The following ZBTB16 variants were observed in gnomAD, a reference collection of about 807,000 sequenced individuals.
The protein encoded by ZBTB16 is zinc finger and BTB domain containing 16, also known as zinc finger and BTB domain-containing protein 16.
Under a neutral mutation model 56.8 loss-of-function variants are expected in ZBTB16, and 8 were observed. That is an observed-to-expected ratio of 0.14 (90% CI 0.08 to 0.25). The LOEUF is 0.25. Among genes scored for constraint, ZBTB16 ranks in the 10% least tolerant of loss-of-function variants. The probability of loss-of-function intolerance (pLI) is 1.00; values close to 1 mark genes in which losing one functional copy is unlikely to be tolerated. For synonymous variants in ZBTB16, 363 were observed against 368.5 expected (o/e 0.98, Z 0.17); for missense variants, 625 against 903.0 (o/e 0.69, Z 3.95).
chr11:114,094,819 C>T (rs12272834), intron 2 of ZBTB16, among the ~76,000 whole-genome samples: 2,247 of 152,282 alleles, frequency 0.015, 57 homozygotes, highest in African/African-American at 0.048. Context: ...GGTCGTCAGC[C>T]GAAAGCTGTT....
chr11:114,093,873 A>G (rs950723927), intron 2 of ZBTB16, among the ~76,000 whole-genome samples: 4 of 152,240 alleles, frequency 2.6e-5, no homozygotes, highest in African/African-American at 9.6e-5. Context: ...GTCATATGCA[A>G]CTGTTGGTTT....
intron 4 of ZBTB16, among the ~76,000 whole-genome samples, chr11:114,239,523 G>A (rs147228343): frequency 0.011 from 1,643 of 152,258 alleles, 20 homozygotes; most frequent in Non-Finnish European, 0.013. Flanking sequence ...CGGCCAAGCA[G>A]GGAGGGACAT....
intron 2 of ZBTB16, among the ~76,000 whole-genome samples, chr11:114,066,749 G>T (rs1939131811): frequency 6.7e-6 from 1 of 149,770 alleles, no homozygotes; most frequent in Non-Finnish European, 1.5e-5. Context: ...ACCTTTCTGG[G>T]CCTTGTTTCA....
chr11:114,098,414 C>A (rs1054778819), intron 2 of ZBTB16, among the ~76,000 whole-genome samples: 2 of 152,026 alleles, frequency 1.3e-5, no homozygotes, highest in Non-Finnish European at 2.9e-5. Context: ...TTTAAACTTA[C>A]AACCTTTAAC....
At chr11:114,099,807 A>G (rs1025017623) in intron 2 of ZBTB16, among the ~76,000 whole-genome samples, 1 of 152,214 alleles carries the variant, frequency 6.6e-6, no homozygotes, top group Non-Finnish European at 1.5e-5. Flanking sequence ...AAAAAAATAC[A>G]TTTCCAAACA....
At chr11:114,086,868 T>C (rs1939973832) in intron 2 of ZBTB16, among the ~76,000 whole-genome samples, 1 of 152,180 alleles carries the variant, frequency 6.6e-6, no homozygotes, top group Non-Finnish European at 1.5e-5. Context: ...ATTTTAGACA[T>C]TACTTTCAAT....
At chr11:114,168,937 A>G (rs1484058057) in intron 3 of ZBTB16, among the ~76,000 whole-genome samples, 1 of 152,082 alleles carries the variant, frequency 6.6e-6, no homozygotes, top group Non-Finnish European at 1.5e-5. Context: ...AGTTGTGGCT[A>G]TGACTTCTGC....
At chr11:114,160,395 C>G (rs188992102) in intron 3 of ZBTB16, among the ~76,000 whole-genome samples, 1 of 152,310 alleles carries the variant, frequency 6.6e-6, no homozygotes, top group East Asian at 1.9e-4. Context: ...CTTGTTCTTC[C>G]TTCGCAGTTT....
At chr11:114,170,140 T>G (rs1242743320) in intron 3 of ZBTB16, among the ~76,000 whole-genome samples, 1 of 152,196 alleles carries the variant, frequency 6.6e-6, no homozygotes, top group Non-Finnish European at 1.5e-5. Flanking sequence ...CAAACACATG[T>G]GAAAGCAAGG....
At chr11:114,170,628 A>G (rs1434189791) in intron 3 of ZBTB16, among the ~76,000 whole-genome samples, 1 of 152,008 alleles carries the variant, frequency 6.6e-6, no homozygotes, top group Non-Finnish European at 1.5e-5. Flanking sequence ...ACAAGGGGAA[A>G]AAAAAAAAAG....
At chr11:114,229,250 G>A (rs917048815) in intron 4 of ZBTB16, among the ~76,000 whole-genome samples, 2 of 152,150 alleles carry the variant, frequency 1.3e-5, no homozygotes, top group South Asian at 2.1e-4. Context: ...AGCCCAACTC[G>A]AATGCCAATG....
intron 2 of ZBTB16, among the ~76,000 whole-genome samples, chr11:114,117,068 C>T (rs1941194391): frequency 6.6e-6 from 1 of 152,100 alleles, no homozygotes; most frequent in Non-Finnish European, 1.5e-5. Flanking sequence ...TAAGCAAGAT[C>T]TTAAAAGATG....
intron 2 of ZBTB16, among the ~76,000 whole-genome samples, chr11:114,096,704 GA>G (rs1565623376): frequency 6.6e-6 from 1 of 152,184 alleles, no homozygotes; most frequent in African/African-American, 2.4e-5. Flanking sequence ...ATCAAATGAG[GA>G]AACTTGAGGG....
intron 2 of ZBTB16, among the ~76,000 whole-genome samples, chr11:114,076,097 C>CT (rs1237072177): frequency 1.3e-5 from 2 of 152,114 alleles, no homozygotes; most frequent in Admixed American, 1.3e-4. Context: ...AAGGAGTGAA[C>CT]TGCACTTTCG....
At chr11:114,118,314 C>T (rs1941239895) in intron 2 of ZBTB16, among the ~76,000 whole-genome samples, 1 of 152,118 alleles carries the variant, frequency 6.6e-6, no homozygotes, top group South Asian at 2.1e-4. Context: ...GTAGCTGGGA[C>T]TATAGGCACC....
At position 114,234,060 on chromosome 11, in the gene ZBTB16, A is replaced by G. The variant is rs572698978; in HGVS notation, c.1454-8107A>G. 9.8e-5 allele frequency among the ~76,000 whole-genome samples: 15 copies of G among 152,314 alleles called. No homozygotes were observed. In the South Asian group the frequency reaches 2.5e-3, roughly 25 times the overall value. On this transcript the variant is annotated intron_variant, in intron 4 of 6. Transcript: ENST00000335953. ...AACTCCTCCCCTTTTTTGTTATGCA[A>G]TGAAGATGCTTTTGCTCCCTTGACT... is the stretch of plus-strand genomic sequence containing the variant.
At chr11:114,168,365 G>A (rs1942851637) in intron 3 of ZBTB16, among the ~76,000 whole-genome samples, 1 of 152,212 alleles carries the variant, frequency 6.6e-6, no homozygotes, top group Non-Finnish European at 1.5e-5. Flanking sequence ...GGGACACATA[G>A]CAGGCTCTCA....
chr11:114,233,466 C>T (rs960446396), intron 4 of ZBTB16, among the ~76,000 whole-genome samples: 4 of 151,904 alleles, frequency 2.6e-5, no homozygotes, highest in Non-Finnish European at 4.4e-5. Context: ...TGCCAGAGGC[C>T]CCTGCACCCT....
chr11:114,078,671 G>A (rs1277280203), intron 2 of ZBTB16, among the ~76,000 whole-genome samples: 4 of 152,056 alleles, frequency 2.6e-5, no homozygotes, highest in Non-Finnish European at 5.9e-5. Context: ...AGATGCTAAA[G>A]ATAGTGAAAT....
Sources: allele counts gnomAD v4.1 joint callset (sites outside exome capture counted in the v4.1 genomes callset), GRCh38; gene constraint gnomAD v4.1.1; transcripts MANE v1.5; gene names NCBI Gene and HGNC (gene_info 2026-07-23, HGNC 2026-07-21).